The following PKHD1 variants were observed in gnomAD, a reference collection of about 807,000 sequenced individuals.
PKHD1 encodes the protein PKHD1 ciliary IPT domain containing fibrocystin/polyductin.
A neutral mutation model predicts 412.0 loss-of-function variants in PKHD1; 291 were observed. The observed-to-expected ratio is 0.71, with a 90% CI of 0.64 to 0.78. PKHD1 has a LOEUF of 0.78. Ranked by LOEUF, PKHD1 falls within the 30% of genes least tolerant of loss-of-function variation. The pLI, the probability that PKHD1 is intolerant of heterozygous loss-of-function variation, is 0.00. For synonymous variants in PKHD1, 1,777 were observed against 1,821.5 expected (o/e 0.98, Z 0.62); for missense variants, 4,825 against 4,950.7 (o/e 0.97, Z 0.76).
chr6:51,631,939 C>CT lies in PKHD1; in HGVS notation c.11665+625dup, dbSNP rs1196969455. Among the ~76,000 whole-genome samples the CT allele has an allele frequency of 2.8e-3, 363 of 130,020 alleles. 2 individuals carry two copies. The highest frequency in any genetic ancestry group is 7.4e-3 in the African/African-American group (260 of 35,322). The allele number at this position is 130,020 out of a possible 152,430, so 85.3% of individuals were successfully genotyped here. A position where few individuals can be genotyped will look rare whatever the true frequency, so the allele number is the denominator to read the frequency against. ...ATTTCCCCGGATTCTTTTTTTTTTT[C>CT]TTTTTTTTTTTTTTTATTGTGACAG... On this transcript the variant is annotated intron_variant, in intron 65 of 66. Coordinates refer to ENST00000371117, the MANE Select transcript of PKHD1 (RefSeq NM_138694.4).
chr6:51,881,837 AAACTGTTT>A (rs1777422753), intron 46 of PKHD1, among the ~76,000 whole-genome samples: 1 of 152,190 alleles, frequency 6.6e-6, no homozygotes, highest in African/African-American at 2.4e-5. Flanking sequence ...CCCTAGAACA[AAACTGTTT>A]AACATTTTCC....
intron 33 of PKHD1, among the ~76,000 whole-genome samples, chr6:52,019,408 G>C (rs1801068375): frequency 6.6e-6 from 1 of 152,208 alleles, no homozygotes. Flanking sequence ...CTGTGAATGT[G>C]TTTTGAATGA....
chr6:51,748,962 G>A (rs1348051983), intron 57 of PKHD1, among the ~76,000 whole-genome samples: 7 of 152,110 alleles, frequency 4.6e-5, no homozygotes, highest in East Asian at 1.9e-4. Flanking sequence ...CAAGTTTAAC[G>A]ATTCTGTGTA....
chr6:51,818,364 C>T (rs78827298), intron 52 of PKHD1, among the ~76,000 whole-genome samples: 3,211 of 152,294 alleles, frequency 0.021, 60 homozygotes, highest in Non-Finnish European at 0.027. Flanking sequence ...GTGTATATCA[C>T]CATGACCCTT....
At chr6:51,677,341 C>T (rs1242212782) in intron 60 of PKHD1, among the ~76,000 whole-genome samples, 1 of 152,096 alleles carries the variant, frequency 6.6e-6, no homozygotes, top group Admixed American at 6.6e-5. Flanking sequence ...TAGCTAGTTA[C>T]TGGTGTAGTG....
chr6:51,840,394 G>A (rs1769966485), intron 50 of PKHD1, among the ~76,000 whole-genome samples: 1 of 152,148 alleles, frequency 6.6e-6, no homozygotes, highest in African/African-American at 2.4e-5. Context: ...TTATGAAACA[G>A]TGAATTTTGG....
intron 63 of PKHD1, among the ~76,000 whole-genome samples, chr6:51,642,116 A>G (rs1456000919): frequency 6.6e-6 from 1 of 152,192 alleles, no homozygotes; most frequent in African/African-American, 2.4e-5. Flanking sequence ...CATGGCCACA[A>G]CATGATTCTA....
At chr6:51,925,106 T>C (rs1226790407) in intron 37 of PKHD1, among the ~76,000 whole-genome samples, 1 of 152,200 alleles carries the variant, frequency 6.6e-6, no homozygotes, top group East Asian at 1.9e-4. Context: ...CTCCTCATAC[T>C]TACTCAGAGG....
chr6:52,082,449 A>G lies in PKHD1; in HGVS notation c.224T>C (p.Val75Ala), dbSNP rs1337123644. Reference protein sequence around the residue: ...VNMVVPALRSVPCDVFPVFLD... With the variant: ...VNMVVPALRSAPCDVFPVFLD... ...GAAAACAGGAAAGACGTCACAGGGA[A>G]CACTCCGCAGTGCGGGCACCACCAT... The change falls in exon 4 of 67, where the codon GTT becomes GCT. Residue 75 changes from valine (V) to alanine (A), a missense_variant. Val to Ala is a moderately conservative substitution (Grantham distance 64). Coordinates refer to ENST00000371117, the MANE Select transcript of PKHD1 (RefSeq NM_138694.4). The G allele has an allele frequency of 2.5e-6, 4 of 1,614,106 alleles. No individual in the cohort carries two copies.
intron 37 of PKHD1, among the ~76,000 whole-genome samples, chr6:51,920,767 T>G (rs951777329): frequency 2.6e-5 from 4 of 152,236 alleles, no homozygotes; most frequent in African/African-American, 9.6e-5. Flanking sequence ...TTTTTTTGGT[T>G]GGTAAGCTAT....
At position 51,906,231 on chromosome 6, in the gene PKHD1, A is replaced by C; in HGVS notation, c.6792T>G (p.Gly2264=). 6.2e-7 allele frequency: 1 copy of C among 1,612,148 alleles called. No homozygotes were observed. The highest frequency in any genetic ancestry group is 8.5e-7 in the Non-Finnish European group (1 of 1,178,458). ...VDSNVFYNIL[G]HALLVGTCTE... is the part of the protein sequence containing the mutation. ...TTTACTTACCAACTAGCAGCGCATG[A>C]CCTAAAATATTGTAGAATACATTAC... Residue 2264 remains glycine, a synonymous_variant, in exon 41 of 67, where the codon GGT becomes GGG. Transcript: ENST00000371117.
intron 60 of PKHD1, chr6:51,721,830 C>A: frequency 6.6e-7 from 1 of 1,506,612 alleles, no homozygotes; most frequent in Non-Finnish European, 8.8e-7. Flanking sequence ...TGCCATCAAT[C>A]TCCTCCCAGT....
chr6:51,950,210 GAA>G (rs574963733), intron 36 of PKHD1, among the ~76,000 whole-genome samples: 13 of 113,118 alleles, frequency 1.1e-4, no homozygotes, highest in South Asian at 6.3e-4. Context: ...GCAATATAGA[GAA>G]AAAAAAAAAT....
intron 27 of PKHD1, among the ~76,000 whole-genome samples, chr6:52,041,888 A>G (rs930808589): frequency 6.6e-6 from 1 of 152,188 alleles, no homozygotes; most frequent in African/African-American, 2.4e-5. Flanking sequence ...TGTCTAGGGG[A>G]AACAAAAATG....
Position 51,836,422 on chromosome 6 carries a change from T to C in PKHD1, c.8155A>G (p.Met2719Val), listed in dbSNP as rs1433152376. The C allele has an allele frequency of 6.2e-7, 1 of 1,612,728 alleles. No individual in the cohort carries two copies. Among genetic ancestry groups the C allele is most frequent in the East Asian group, 2.2e-5 (1 of 44,850 alleles). The stretch of plus-strand genomic sequence containing the variant: ...TACTCACCTGAAATAGTTGGGGGCA[T>C]ACCTTCCTTCACCCGGAGAATGACT... ...VQVILRVKEGMPPTISASTSA... is the reference protein window; with the variant it reads ...VQVILRVKEGVPPTISASTSA... The change falls in exon 51 of 67, where the codon ATG becomes GTG. Residue 2719 changes from methionine to valine, a missense_variant. Met to Val is a conservative substitution (Grantham distance 21, BLOSUM62 1). Coordinates refer to ENST00000371117, the MANE Select transcript of PKHD1 (RefSeq NM_138694.4).
chr6:51,820,571 T>C (rs1014772088), intron 52 of PKHD1, among the ~76,000 whole-genome samples: 4 of 152,210 alleles, frequency 2.6e-5, no homozygotes, highest in African/African-American at 9.6e-5. Flanking sequence ...TATAACTGAT[T>C]TCTTTTATAA....
At chr6:51,741,632 T>C (rs913200763) in intron 60 of PKHD1, among the ~76,000 whole-genome samples, 1 of 152,192 alleles carries the variant, frequency 6.6e-6, no homozygotes, top group Admixed American at 6.5e-5. Flanking sequence ...CTCCCGCAGT[T>C]CCCTATCAGA....
chr6:51,764,126 G>C (rs1293981305), intron 55 of PKHD1, among the ~76,000 whole-genome samples: 2 of 120,652 alleles, frequency 1.7e-5, no homozygotes, highest in Admixed American at 1.1e-4. Flanking sequence ...ACAGTCCCCA[G>C]AGTGTGATAT....
intron 60 of PKHD1, among the ~76,000 whole-genome samples, chr6:51,666,430 A>G (rs1773788696): frequency 6.6e-6 from 1 of 152,194 alleles, no homozygotes; most frequent in South Asian, 2.1e-4. Context: ...AAGATAATTT[A>G]GTATTTTCTA....
Sources: gnomAD v4.1 joint callset for allele counts (sites outside exome capture counted in the v4.1 genomes callset) on GRCh38, gnomAD v4.1.1 for gene constraint, MANE v1.5 for transcripts, NCBI Gene and HGNC (gene_info 2026-07-23, HGNC 2026-07-21) for gene names.